The following PCDH15 variants were observed in gnomAD, a reference collection of about 807,000 sequenced individuals.
The protein encoded by PCDH15 is protocadherin related 15.
A neutral mutation model predicts 178.5 loss-of-function variants in PCDH15; 129 were observed. The observed-to-expected ratio is 0.72, with a 90% CI of 0.63 to 0.84. The LOEUF (loss-of-function observed/expected upper bound fraction) is 0.84. Among genes scored for constraint, PCDH15 ranks in the 40% least tolerant of loss-of-function variants. The probability of loss-of-function intolerance (pLI) is 0.00; values close to 1 mark genes in which losing one functional copy is unlikely to be tolerated. For missense variants in PCDH15, 2,230 were observed against 2,099.9 expected (o/e 1.06, Z -1.21); for synonymous variants, 800 against 732.0 (o/e 1.09, Z -1.50).
intron 3 of PCDH15, among the ~76,000 whole-genome samples, chr10:54,384,081 G>T (rs573814392): frequency 6.7e-6 from 1 of 148,998 alleles, no homozygotes; most frequent in African/African-American, 2.5e-5. Context: ...TGATCCATCC[G>T]CCTCGGCCTC....
At chr10:54,844,996 G>A (rs1296557015) in intron 3 of PCDH15, among the ~76,000 whole-genome samples, 2 of 151,746 alleles carry the variant, frequency 1.3e-5, no homozygotes, top group Non-Finnish European at 2.9e-5. Context: ...CTGCTTTCCT[G>A]AGTTCTTTTT....
chr10:54,924,797 T>C (rs1387711239), intron 2 of PCDH15, among the ~76,000 whole-genome samples: 1 of 152,166 alleles, frequency 6.6e-6, no homozygotes, highest in Non-Finnish European at 1.5e-5. Context: ...GTGTTGTTTA[T>C]ATTTTTCTTG....
chr10:55,546,523 G>A (rs548791096), intron 2 of PCDH15, among the ~76,000 whole-genome samples: 4 of 152,130 alleles, frequency 2.6e-5, no homozygotes, highest in South Asian at 2.1e-4. Context: ...GGGGGCAAAT[G>A]TAAATTCAAA....
chr10:54,688,230 A>T (rs925656224), intron 1 of PCDH15, among the ~76,000 whole-genome samples: 44 of 152,248 alleles, frequency 2.9e-4, no homozygotes, highest in African/African-American at 1.0e-3. Context: ...AATTGAAGTT[A>T]TAAAAGTTAT....
intron 5 of PCDH15, among the ~76,000 whole-genome samples, chr10:54,358,983 G>A (rs1189563060): frequency 6.9e-6 from 1 of 144,596 alleles, no homozygotes; most frequent in African/African-American, 2.6e-5. Context: ...GACACAGGAA[G>A]GGGAACATCA....
At chr10:54,776,569 G>T (rs1949730845) in intron 1 of PCDH15, among the ~76,000 whole-genome samples, 1 of 152,162 alleles carries the variant, frequency 6.6e-6, no homozygotes, top group Non-Finnish European at 1.5e-5. Flanking sequence ...GTGGTAGAGT[G>T]AATGTGGAGG....
intron 1 of PCDH15, among the ~76,000 whole-genome samples, chr10:55,273,196 G>C (rs947044133): frequency 6.6e-6 from 1 of 152,080 alleles, no homozygotes; most frequent in South Asian, 2.1e-4. Flanking sequence ...TTTATAATTA[G>C]AAAAATAATA....
At chr10:54,533,641 C>CT (rs139260443) in intron 2 of PCDH15, among the ~76,000 whole-genome samples, 1 of 151,760 alleles carries the variant, frequency 6.6e-6, no homozygotes, top group East Asian at 1.9e-4. Context: ...ATCAACTTAC[C>CT]TTTTTTTTGT....
At chr10:54,277,602 T>C (rs1030519850) in intron 8 of PCDH15, among the ~76,000 whole-genome samples, 3 of 151,682 alleles carry the variant, frequency 2.0e-5, no homozygotes, top group Non-Finnish European at 4.4e-5. Flanking sequence ...AAAAACAGTG[T>C]TGTTTACCCG....
chr10:54,769,553 T>A (rs1431401277), intron 1 of PCDH15, among the ~76,000 whole-genome samples: 2 of 151,694 alleles, frequency 1.3e-5, no homozygotes, highest in East Asian at 3.9e-4. Context: ...ATGGGTGGGA[T>A]GCTAGCATGC....
chr10:55,192,493 CT>C (rs895896817), intron 1 of PCDH15, among the ~76,000 whole-genome samples: 12 of 150,640 alleles, frequency 8.0e-5, no homozygotes, highest in African/African-American at 2.2e-4. Context: ...TGGGTCACTT[CT>C]TTTTTTTTAA....
intron 1 of PCDH15, among the ~76,000 whole-genome samples, chr10:55,191,768 A>G (rs1315512953): frequency 4.0e-5 from 6 of 151,878 alleles, no homozygotes; most frequent in African/African-American, 1.5e-4. Flanking sequence ...GTCAATGGCC[A>G]ACTATTGTTT....
intron 2 of PCDH15, among the ~76,000 whole-genome samples, chr10:55,029,119 A>C (rs2131964238): frequency 6.6e-6 from 1 of 152,128 alleles, no homozygotes; most frequent in African/African-American, 2.4e-5. Context: ...TGAGGGCTGT[A>C]ATTAAGAATA....
intron 2 of PCDH15, among the ~76,000 whole-genome samples, chr10:54,930,145 C>T (rs1328498999): frequency 6.6e-6 from 1 of 152,114 alleles, no homozygotes; most frequent in Non-Finnish European, 1.5e-5. Flanking sequence ...TTGCCAACCA[C>T]GTGTACAGTA....
chr10:55,423,573 G>A (rs74436760), intron 2 of PCDH15, among the ~76,000 whole-genome samples: 2,101 of 151,994 alleles, frequency 0.014, 45 homozygotes, highest in African/African-American at 0.047. Flanking sequence ...TAAAAGGGGG[G>A]AAACTCCTCT....
At chr10:54,570,087 T>C (rs2089601095) in intron 2 of PCDH15, among the ~76,000 whole-genome samples, 1 of 151,920 alleles carries the variant, frequency 6.6e-6, no homozygotes, top group Admixed American at 6.6e-5. Context: ...TGTGAATGCG[T>C]TTATCTCACT....
intron 1 of PCDH15, among the ~76,000 whole-genome samples, chr10:55,277,128 T>C (rs1842615701): frequency 6.6e-6 from 1 of 152,090 alleles, no homozygotes; most frequent in South Asian, 2.1e-4. Context: ...TGAGAGTATC[T>C]AATCTGCTAT....
intron 2 of PCDH15, among the ~76,000 whole-genome samples, chr10:54,591,702 C>G (rs1316141199): frequency 6.6e-6 from 1 of 151,758 alleles, no homozygotes; most frequent in Non-Finnish European, 1.5e-5. Context: ...ATGAATAAAA[C>G]CAAAAATAGG....
chr10:55,274,968 AGGGACCC>A (rs1378515689), intron 1 of PCDH15, among the ~76,000 whole-genome samples: 3 of 152,208 alleles, frequency 2.0e-5, no homozygotes, highest in African/African-American at 7.2e-5. Context: ...ACCCAAGGGT[AGGGACCC>A]CTGCATTAAA....
Sources: allele counts gnomAD v4.1 joint callset (sites outside exome capture counted in the v4.1 genomes callset), GRCh38; gene constraint gnomAD v4.1.1; transcripts MANE v1.5; gene names NCBI Gene and HGNC (gene_info 2026-07-23, HGNC 2026-07-21).